The following MVB12B variants were observed in gnomAD, a reference collection of about 807,000 sequenced individuals.
The protein encoded by MVB12B is multivesicular body subunit 12B, also known as ESCRT-I complex subunit MVB12B.
A neutral mutation model predicts 41.6 loss-of-function variants in MVB12B; 16 were observed. The ratio of observed to expected loss-of-function variants is 0.38; its 90% confidence interval spans 0.26 to 0.58. The LOEUF (loss-of-function observed/expected upper bound fraction) is 0.58. Among genes scored for constraint, MVB12B ranks in the 20% least tolerant of loss-of-function variants. The probability of loss-of-function intolerance (pLI) is 0.62; values close to 1 mark genes in which losing one functional copy is unlikely to be tolerated. For missense variants in MVB12B, 274 were observed against 380.2 expected, an observed-to-expected ratio of 0.72 and a Z score of 2.32; for synonymous variants, 133 against 139.7, an observed-to-expected ratio of 0.95 and a Z score of 0.34.
rs144291872 is a variant in MVB12B at position 126,398,328 on chromosome 9, C to A, written c.662+2631C>A. 1.4e-3 allele frequency among the ~76,000 whole-genome samples: 207 copies of A among 152,142 alleles called. No homozygotes were observed. The East Asian group carries it at 0.026, about 19-fold the overall frequency. On this transcript the variant is annotated intron_variant, in intron 6 of 9. Transcript: ENST00000361171. ...AGTTTCACCATAAATGCGTCCCTGGCAACCCCTCCAGACTACTCCCTGGTC... is the reference window on the plus strand; with the variant it reads ...AGTTTCACCATAAATGCGTCCCTGGAAACCCCTCCAGACTACTCCCTGGTC...
At chr9:126,456,846 C>A (rs751645519) in intron 7 of MVB12B, among the ~76,000 whole-genome samples, 2 of 127,714 alleles carry the variant, frequency 1.6e-5, no homozygotes, top group Non-Finnish European at 3.3e-5. Context: ...TGATAGCGCC[C>A]CTGTTTAACT....
chr9:126,365,287 G>C (rs187979774), intron 2 of MVB12B, among the ~76,000 whole-genome samples: 42 of 122,802 alleles, frequency 3.4e-4, no homozygotes, highest in African/African-American at 1.1e-3. Flanking sequence ...GAATGGTCTC[G>C]ATCTCCTGAC....
At chr9:126,491,712 C>G (rs1163157110) in intron 9 of MVB12B, among the ~76,000 whole-genome samples, 1 of 152,182 alleles carries the variant, frequency 6.6e-6, no homozygotes, top group Non-Finnish European at 1.5e-5. Context: ...ACAAAACTAT[C>G]ACCCAAATTC....
Position 126,436,356 on chromosome 9 carries a change from C to T in MVB12B, c.757+14408C>T, listed in dbSNP as rs147601230. 1.1e-3 allele frequency among the ~76,000 whole-genome samples: 160 copies of T among 152,256 alleles called. 3 individuals are homozygous for T. The East Asian group carries it at 0.011, about 10-fold the overall frequency. ...GTTTTAATTGGATTGGGAAAAAGAACCTACAAGTTATGAACTTTGCAGAGC... is the reference window on the plus strand; with the variant it reads ...GTTTTAATTGGATTGGGAAAAAGAATCTACAAGTTATGAACTTTGCAGAGC... On this transcript the variant is annotated intron_variant, in intron 7 of 9. Transcript: ENST00000361171. This position sits in a 1 kb window ranked among gnomAD's most constrained non-coding sequence, Gnocchi z 4.1.
intron 7 of MVB12B, among the ~76,000 whole-genome samples, chr9:126,450,992 C>T (rs537075985): frequency 2.0e-5 from 3 of 152,334 alleles, no homozygotes; most frequent in African/African-American, 7.2e-5. Context: ...ACTGTTTGGC[C>T]TTTCTCCCAT....
chr9:126,344,489 G>C (rs886116084), intron 2 of MVB12B, among the ~76,000 whole-genome samples: 2 of 152,230 alleles, frequency 1.3e-5, no homozygotes, highest in African/African-American at 4.8e-5. Context: ...TTCAGCGCCA[G>C]CTTTCTCCCC....
intron 2 of MVB12B, among the ~76,000 whole-genome samples, chr9:126,365,771 T>C (rs1316082263): frequency 6.6e-6 from 1 of 152,232 alleles, no homozygotes; most frequent in Non-Finnish European, 1.5e-5. Context: ...ACTTTAGAGA[T>C]GGAGCAGAGG....
intron 6 of MVB12B, among the ~76,000 whole-genome samples, chr9:126,409,738 G>A (rs1417528213): frequency 6.6e-6 from 1 of 152,230 alleles, no homozygotes; most frequent in Non-Finnish European, 1.5e-5. Context: ...GAATGGCTGT[G>A]TTCACAGGTG....
At chr9:126,356,797 C>T (rs534583243) in intron 2 of MVB12B, among the ~76,000 whole-genome samples, 15 of 152,004 alleles carry the variant, frequency 9.9e-5, no homozygotes, top group East Asian at 7.8e-4. Flanking sequence ...CTGTGTGGCA[C>T]CTGCCTTCAT....
intron 2 of MVB12B, among the ~76,000 whole-genome samples, chr9:126,342,211 C>T (rs1829461962): frequency 1.3e-5 from 2 of 152,178 alleles, no homozygotes; most frequent in East Asian, 1.9e-4. Flanking sequence ...CTGGGAGTTC[C>T]CGCTGTGGGA....
intron 6 of MVB12B, among the ~76,000 whole-genome samples, chr9:126,413,849 T>TGTGTGTGTGTGTGCGC (rs1554776184): frequency 2.0e-5 from 3 of 148,516 alleles, no homozygotes; most frequent in South Asian, 2.2e-4. Flanking sequence ...TGTGTGTGTG[T>TGTGTGTGTGTGTGCGC]GTGTATAAGG....
intron 7 of MVB12B, among the ~76,000 whole-genome samples, chr9:126,423,222 G>A (rs749581929): frequency 1.3e-5 from 2 of 152,186 alleles, no homozygotes; most frequent in Non-Finnish European, 2.9e-5. Context: ...TCATCAAAAC[G>A]GATGACTTTT....
intron 2 of MVB12B, among the ~76,000 whole-genome samples, chr9:126,374,943 G>A (rs1401338272): frequency 6.6e-6 from 1 of 152,148 alleles, no homozygotes; most frequent in African/African-American, 2.4e-5. Context: ...AAATCAGAGT[G>A]CTCATAAGAA....
intron 6 of MVB12B, among the ~76,000 whole-genome samples, chr9:126,412,439 C>G (rs572774831): frequency 1.3e-5 from 2 of 152,116 alleles, no homozygotes; most frequent in African/African-American, 4.8e-5. Flanking sequence ...TTGTACATGA[C>G]CTCTGGTCTT....
rs1830996158 is a variant in MVB12B at position 126,392,756 on chromosome 9, G to A, written c.539+561G>A. 6.6e-6 allele frequency among the ~76,000 whole-genome samples: 1 copy of A among 152,238 alleles called. No homozygotes were observed. The highest frequency in any genetic ancestry group is 1.5e-5 in the Non-Finnish European group (1 of 68,050). On this transcript the variant is annotated intron_variant, in intron 5 of 9. Coordinates refer to ENST00000361171, the MANE Select transcript of MVB12B (RefSeq NM_033446.3). This position sits in a 1 kb window ranked among gnomAD's most constrained non-coding sequence, Gnocchi z 4.8. ...CAGAGACCTGAATGTCAGGAAACCA[G>A]CCATGCACAGATGTGAAGGCATAGT...
intron 7 of MVB12B, among the ~76,000 whole-genome samples, chr9:126,446,722 TA>T (rs1449493076): frequency 6.6e-6 from 1 of 151,904 alleles, no homozygotes; most frequent in Non-Finnish European, 1.5e-5. Context: ...AGTTTATTGG[TA>T]CAAAATTTTA....
At position 126,392,511 on chromosome 9, in the gene MVB12B, G is replaced by A. The variant is rs1830989034; in HGVS notation, c.539+316G>A. Among the ~76,000 whole-genome samples, 1 of 152,214 alleles carries A rather than the reference G, an allele frequency of 6.6e-6. No individual in the cohort carries two copies. Among genetic ancestry groups the A allele is most frequent in the South Asian group, 2.1e-4 (1 of 4,834 alleles). On this transcript the variant is annotated intron_variant, in intron 5 of 9. Transcript: ENST00000361171. The surrounding 1 kb of genome is among the most constrained non-coding windows in gnomAD (Gnocchi z 4.8). ...TCTTCACACTCGTTATTCACCCTAG[G>A]AAAGGTCACAGGGACCTATTTTGTA...
intron 9 of MVB12B, among the ~76,000 whole-genome samples, chr9:126,498,477 A>C (rs1833885189): frequency 6.6e-6 from 1 of 152,032 alleles, no homozygotes. Flanking sequence ...TGCCCTCTGG[A>C]CTACACCATT....
chr9:126,346,699 G>A (rs574635884), intron 2 of MVB12B, among the ~76,000 whole-genome samples: 5 of 152,306 alleles, frequency 3.3e-5, no homozygotes, highest in African/African-American at 1.2e-4. Context: ...TACCGTGGAG[G>A]GTCACTGGTT....
Sources: allele counts gnomAD v4.1 joint callset (sites outside exome capture counted in the v4.1 genomes callset), GRCh38; gene constraint gnomAD v4.1.1; non-coding constraint Gnocchi (gnomAD v3.1); transcripts MANE v1.5; gene names NCBI Gene and HGNC (gene_info 2026-07-23, HGNC 2026-07-21).